GLCCI1: variants seen among roughly 807,000 people sequenced by gnomAD.
GLCCI1 encodes the protein glucocorticoid-induced transcript 1 protein.
Under a neutral mutation model 52.2 loss-of-function variants are expected in GLCCI1, and 24 were observed. The observed-to-expected ratio is 0.46, with a 90% CI of 0.33 to 0.65. The LOEUF is 0.65. Among genes scored for constraint, GLCCI1 ranks in the 30% least tolerant of loss-of-function variants. The pLI is 0.02. For synonymous variants in GLCCI1, 310 were observed against 276.5 expected, an observed-to-expected ratio of 1.12 and a Z score of -1.20; for missense variants, 704 against 701.5, an observed-to-expected ratio of 1.00 and a Z score of -0.04.
At position 7,969,373 on chromosome 7, in the gene GLCCI1, C is replaced by T. The variant is rs775250949; in HGVS notation, c.23C>T (p.Ser8Phe). The stretch of plus-strand genomic sequence containing the variant: ...ACCATGTCCACTGCCTCCTCCTCCT[C>T]CTCCTCCAGTTCCTCTCAGACCCCT... MSTASSS[S>F]SSSSSQTPHP... The change falls in exon 1 of 8, where the codon TCC (serine) becomes TTC (phenylalanine). Residue 8 changes from serine to phenylalanine, a missense_variant. Transcript: ENST00000223145. The surrounding 1 kb of genome is among the most constrained non-coding windows in gnomAD (Gnocchi z 4.9). 2 of 1,490,384 alleles carry T rather than the reference C, an allele frequency of 1.3e-6. No homozygotes were observed. The highest frequency in any genetic ancestry group is 8.9e-7 in the Non-Finnish European group (1 of 1,122,390). 92.3% of individuals were successfully genotyped at this position (1,490,384 alleles called of 1,614,324 possible). A position where few individuals can be genotyped will look rare whatever the true frequency, so the allele number is the denominator to read the frequency against.
At chr7:8,016,153 T>A (rs1469928558) in intron 2 of GLCCI1, among the ~76,000 whole-genome samples, 2 of 152,242 alleles carry the variant, frequency 1.3e-5, no homozygotes, top group African/African-American at 4.8e-5. Flanking sequence ...AAGACATTTT[T>A]ACGTTAGAGA....
intron 5 of GLCCI1, among the ~76,000 whole-genome samples, chr7:8,060,996 T>G (rs1172638627): frequency 6.6e-6 from 1 of 152,234 alleles, no homozygotes; most frequent in African/African-American, 2.4e-5. Context: ...CTGTCCTTTT[T>G]TAATTATAGC....
Position 8,011,838 on chromosome 7 carries a change from T to C in GLCCI1, c.609+7779T>C, listed in dbSNP as rs111954078. 2.6e-4 allele frequency among the ~76,000 whole-genome samples: 39 copies of C among 152,152 alleles called. 1 individual carries two copies. Among genetic ancestry groups the C allele is most frequent in the African/African-American group, 5.8e-4 (24 of 41,516 alleles). ...TTGTTTTTTTGTTTGTTTTTTGAGA[T>C]GGAGTCTCGCTGTGTCGCCCAGGCA... is the stretch of plus-strand genomic sequence containing the variant. On this transcript the variant is annotated intron_variant, in intron 2 of 7. Coordinates refer to ENST00000223145, the MANE Select transcript of GLCCI1 (RefSeq NM_138426.4).
intron 5 of GLCCI1, among the ~76,000 whole-genome samples, chr7:8,066,651 T>G (rs773286303): frequency 2.6e-5 from 4 of 151,846 alleles, no homozygotes; most frequent in Non-Finnish European, 5.9e-5. Flanking sequence ...CAAATGCCAT[T>G]CAGGAGCAGG....
intron 1 of GLCCI1, among the ~76,000 whole-genome samples, chr7:7,995,323 A>G (rs1780917577): frequency 6.6e-6 from 1 of 152,188 alleles, no homozygotes. Flanking sequence ...GTCCTGGGCA[A>G]TATGGCAAAA....
chr7:8,051,049 AATTACTCTTAAT>A (rs1205520251), intron 3 of GLCCI1, among the ~76,000 whole-genome samples: 1 of 152,214 alleles, frequency 6.6e-6, no homozygotes, highest in African/African-American at 2.4e-5. Context: ...ACTGGCCTAT[AATTACTCTTAAT>A]AATTGCTGGA....
chr7:8,002,071 T>C (rs1056409987), intron 1 of GLCCI1, among the ~76,000 whole-genome samples: 27 of 151,906 alleles, frequency 1.8e-4, no homozygotes, highest in African/African-American at 6.3e-4. Context: ...ATTGTGCACA[T>C]GTACCCTAGA....
intron 1 of GLCCI1, chr7:7,970,460 C>A (rs1780325693): frequency 1.3e-5 from 2 of 148,648 alleles, no homozygotes; most frequent in African/African-American, 5.0e-5. Flanking sequence ...TGCATCAGAG[C>A]ACTCCTGCAC....
chr7:8,044,854 GA>G (rs1237890100), intron 3 of GLCCI1, among the ~76,000 whole-genome samples: 10 of 152,058 alleles, frequency 6.6e-5, no homozygotes, highest in African/African-American at 2.4e-4. Context: ...TTTATGACAA[GA>G]AAAATCTCAA....
At position 8,082,283 on chromosome 7, in the gene GLCCI1, T is replaced by C. The variant is rs567222755; in HGVS notation, c.1178-2614T>C. ...TTTGTAAGGCAAGAAAAAATATATATGTAAAATATGTCTTCTTTGTATGTT... is the reference window on the plus strand; with the variant it reads ...TTTGTAAGGCAAGAAAAAATATATACGTAAAATATGTCTTCTTTGTATGTT... On this transcript the variant is annotated intron_variant, in intron 6 of 7. Transcript: ENST00000223145. Among the ~76,000 whole-genome samples, 74 of 152,304 alleles carry C rather than the reference T, an allele frequency of 4.9e-4. 2 individuals are homozygous for C. Among genetic ancestry groups the C allele is most frequent in the South Asian group, 4.6e-3 (22 of 4,824 alleles).
intron 1 of GLCCI1, among the ~76,000 whole-genome samples, chr7:7,973,712 T>C (rs1780402207): frequency 6.6e-6 from 1 of 152,088 alleles, no homozygotes; most frequent in African/African-American, 2.4e-5. Context: ...TTCATGAGTA[T>C]CTTGAGAGCC....
intron 3 of GLCCI1, among the ~76,000 whole-genome samples, chr7:8,046,651 G>C (rs1443380703): frequency 6.6e-6 from 1 of 152,112 alleles, no homozygotes; most frequent in South Asian, 2.1e-4. Flanking sequence ...CCCCTGTCTC[G>C]AGTTGTCCTG....
rs1308690922 is a variant in GLCCI1, at chr7:8,061,667, T to C, written c.966+1419T>C. Among the ~76,000 whole-genome samples, 16 of 133,388 alleles carry C rather than the reference T, an allele frequency of 1.2e-4. No individual in the cohort carries two copies. In the South Asian group the frequency reaches 3.9e-3, roughly 32 times the overall value. 87.5% of individuals were successfully genotyped at this position (133,388 alleles called of 152,430 possible). Reference sequence around the variant, plus strand: ...GTTTACCATTGAACTCTTTTTTTTTTTTTTTTTTTTTTTTTTTGAGACAGG... The same window carrying C: ...GTTTACCATTGAACTCTTTTTTTTTCTTTTTTTTTTTTTTTTTGAGACAGG... On this transcript the variant is annotated intron_variant, in intron 5 of 7. Coordinates refer to ENST00000223145, the MANE Select transcript of GLCCI1 (RefSeq NM_138426.4).
At chr7:8,018,335 T>C (rs1781418620) in intron 2 of GLCCI1, among the ~76,000 whole-genome samples, 1 of 152,184 alleles carries the variant, frequency 6.6e-6, no homozygotes, top group African/African-American at 2.4e-5. Flanking sequence ...GCATGTTTTT[T>C]GCTAGGAGTT....
intron 3 of GLCCI1, among the ~76,000 whole-genome samples, chr7:8,026,464 C>T (rs892841618): frequency 2.6e-5 from 4 of 152,192 alleles, no homozygotes; most frequent in African/African-American, 9.7e-5. Context: ...CACAAGAACC[C>T]AAAATCAAGT....
chr7:8,003,071 G>A (rs773364399), intron 1 of GLCCI1, among the ~76,000 whole-genome samples: 10 of 152,174 alleles, frequency 6.6e-5, no homozygotes, highest in Non-Finnish European at 1.3e-4. Flanking sequence ...TGTTATTTTT[G>A]TATAGCTCTG....
chr7:7,969,608 C>T lies in GLCCI1; in HGVS notation c.258C>T (p.Ala86=). 9.7e-7 allele frequency: 1 copy of T among 1,029,912 alleles called. No individual in the cohort carries two copies. The highest frequency in any genetic ancestry group is 1.2e-6 in the Non-Finnish European group (1 of 860,684). The allele number at this position is 1,029,912 out of a possible 1,614,324, so 63.8% of individuals were successfully genotyped here. A position where few individuals can be genotyped will look rare whatever the true frequency, so the allele number is the denominator to read the frequency against. Residue 86 remains alanine (A), a synonymous_variant, in exon 1 of 8, where the codon GCC becomes GCT. Coordinates refer to ENST00000223145, the MANE Select transcript of GLCCI1 (RefSeq NM_138426.4). The surrounding 1 kb of genome is among the most constrained non-coding windows in gnomAD (Gnocchi z 4.9). ...SQHSPTRPPV[A]AAAASLGSLP... ...ACAGTCCCACGCGTCCGCCCGTCGC[C>T]GCTGCCGCCGCCTCGCTGGGCAGCC...
At chr7:8,008,108 C>T (rs1345173478) in intron 2 of GLCCI1, among the ~76,000 whole-genome samples, 2 of 151,490 alleles carry the variant, frequency 1.3e-5, no homozygotes, top group Non-Finnish European at 2.9e-5. Context: ...AATCTACTCT[C>T]TTAGCAATTT....
At chr7:8,000,082 T>C (rs1781021963) in intron 1 of GLCCI1, among the ~76,000 whole-genome samples, 1 of 152,224 alleles carries the variant, frequency 6.6e-6, no homozygotes, top group Non-Finnish European at 1.5e-5. Flanking sequence ...CGTTTCCTTA[T>C]CTGGTTATAG....
Sources: gnomAD v4.1 joint callset for allele counts (sites outside exome capture counted in the v4.1 genomes callset) on GRCh38, gnomAD v4.1.1 for gene constraint, Gnocchi (gnomAD v3.1) non-coding constraint, MANE v1.5 for transcripts, NCBI Gene and HGNC (gene_info 2026-07-23, HGNC 2026-07-21) for gene names.